Variants in HERC1 observed in about 807,000 individuals in gnomAD.
HERC1 encodes the protein HECT and RLD domain containing E3 ubiquitin protein ligase family member 1, also known as probable E3 ubiquitin-protein ligase HERC1.
A neutral mutation model predicts 554.3 loss-of-function variants in HERC1; 160 were observed. The observed-to-expected ratio is 0.29, with a 90% CI of 0.25 to 0.33. HERC1 has a LOEUF of 0.33. Among genes scored for constraint, HERC1 ranks in the 10% least tolerant of loss-of-function variants. HERC1 has a pLI of 1.00. For missense variants in HERC1, 4,919 were observed against 5,918.5 expected (o/e 0.83, Z 5.54); for synonymous variants, 2,175 against 2,131.7 (o/e 1.02, Z -0.56).
At chr15:63,646,791 G>A (rs1189852163) in intron 55 of HERC1, among the ~76,000 whole-genome samples, 1 of 150,640 alleles carries the variant, frequency 6.6e-6, no homozygotes, top group Non-Finnish European at 1.5e-5. Context: ...CTGGGTGACA[G>A]AGCATGACTC....
rs376314696 is a variant in HERC1, at chr15:63,622,868, G to C, written c.13635C>G (p.Asp4545Glu). The C allele has an allele frequency of 1.4e-5, 23 of 1,604,068 alleles. No individual in the cohort carries two copies. In the African/African-American group the frequency reaches 3.1e-4, roughly 21 times the overall value. ...TGGCATTGGGAGAGGGTATAAGAAG[G>C]TCAACAATACCAGTTTCAAGTTCCT... ...MCQELETGIVDLLIPSPNATA... is the reference protein window; with the variant it reads ...MCQELETGIVELLIPSPNATA... Residue 4545 changes from aspartate to glutamate, a missense_variant, in exon 74 of 78, where the codon GAC (aspartate) becomes GAG (glutamate). Transcript: ENST00000443617.
At chr15:63,752,434 A>G (rs1188041388) in intron 8 of HERC1, 1 of 152,270 alleles carries the variant, frequency 6.6e-6, no homozygotes, top group East Asian at 1.9e-4. Flanking sequence ...CGCATGTAAA[A>G]GTTCGAAGCT....
intron 22 of HERC1, among the ~76,000 whole-genome samples, chr15:63,715,137 C>A (rs1024350828): frequency 2.0e-4 from 31 of 152,170 alleles, no homozygotes; most frequent in African/African-American, 7.0e-4. Context: ...CTAAGTCATA[C>A]AATTTTGCAT....
intron 24 of HERC1, among the ~76,000 whole-genome samples, 173 bp from the exon 25 acceptor site, chr15:63,707,004 A>T (rs2073040680): frequency 6.6e-6 from 1 of 152,196 alleles, no homozygotes; most frequent in African/African-American, 2.4e-5. Flanking sequence ...GAACATAGCT[A>T]TAAGGAGGCT....
chr15:63,734,615 T>A lies in HERC1; in HGVS notation c.2646+109A>T. 1 of 880,624 alleles carries A rather than the reference T, an allele frequency of 1.1e-6. No individual in the cohort carries two copies. Among genetic ancestry groups the A allele is most frequent in the Non-Finnish European group, 1.7e-6 (1 of 593,728 alleles). The allele number at this position is 880,624 out of a possible 1,614,324, so 54.6% of individuals were successfully genotyped here. ...TCTTCCAGCACAACACATTAACCCA[T>A]CAAGTACTTATGCTCCAAGAACACA... On this transcript the variant is annotated intron_variant, in intron 13 of 77. Transcript: ENST00000443617. The surrounding 1 kb of genome is among the most constrained non-coding windows in gnomAD (Gnocchi z 4.6).
At chr15:63,668,926 G>T (rs1436988417) in intron 40 of HERC1, among the ~76,000 whole-genome samples, 1 of 152,172 alleles carries the variant, frequency 6.6e-6, no homozygotes, top group Non-Finnish European at 1.5e-5. Context: ...ATTTGAGCCT[G>T]CTAAACAATT....
chr15:63,680,503 G>T lies in HERC1; in HGVS notation c.6465+34C>A, dbSNP rs767716099. 1 of 1,605,030 alleles carries T rather than the reference G, an allele frequency of 6.2e-7. No individual in the cohort carries two copies. Among genetic ancestry groups the T allele is most frequent in the East Asian group, 2.2e-5 (1 of 44,700 alleles). ...CCGAGTTGACTATAAATAGAAACAA[G>T]AAAAATGTAATGCTTGTGAATGGGT... On this transcript the variant is annotated intron_variant, in intron 35 of 77. Coordinates refer to ENST00000443617, the MANE Select transcript of HERC1 (RefSeq NM_003922.4). This position sits in a 1 kb window ranked among gnomAD's most constrained non-coding sequence, Gnocchi z 5.8.
chr15:63,664,556 C>G lies in HERC1; in HGVS notation c.8594G>C (p.Gly2865Ala). Residue 2865 changes from glycine to alanine, a missense_variant, in exon 43 of 78, where the codon GGA becomes GCA. Physicochemically the swap from Gly to Ala is moderately conservative, Grantham distance 60. This residue lies in a region of HERC1 where 1,963 missense variants were observed against 2,228.6 expected (regional missense o/e 0.88). Coordinates refer to ENST00000443617, the MANE Select transcript of HERC1 (RefSeq NM_003922.4). The stretch of plus-strand genomic sequence containing the variant: ...GCGACCTCTAGCTGATGGTCCACTT[C>G]CAGAAGCTGCATTCTCTGTATGATC... ...NLDHTENAAS[G>A]SGPSARGRSA... 1 of 1,613,738 alleles carries G rather than the reference C, an allele frequency of 6.2e-7. No homozygotes were observed. Among genetic ancestry groups the G allele is most frequent in the Non-Finnish European group, 8.5e-7 (1 of 1,179,720 alleles).
chr15:63,744,095 T>C (rs1234476463), intron 12 of HERC1, among the ~76,000 whole-genome samples: 1 of 141,740 alleles, frequency 7.1e-6, no homozygotes, highest in Admixed American at 7.3e-5. Context: ...CTTCCCTTAC[T>C]TTCTCCCAAA....
chr15:63,759,260 G>A (rs1045897182), intron 3 of HERC1, among the ~76,000 whole-genome samples: 2 of 152,140 alleles, frequency 1.3e-5, no homozygotes, highest in Admixed American at 6.5e-5. Flanking sequence ...AAAGAAGGCT[G>A]TTCTAAAAAC....
chr15:63,676,849 T>C (rs191335844), intron 37 of HERC1, among the ~76,000 whole-genome samples: 1 of 152,352 alleles, frequency 6.6e-6, no homozygotes, highest in Admixed American at 6.5e-5. Flanking sequence ...ATGGGCAGCA[T>C]AATGAACAGT....
chr15:63,654,107 C>A lies in HERC1; in HGVS notation c.10290+12G>T. Reference sequence around the variant, plus strand: ...TAACGTGATTAACACACTTTCCACTCAAAATACTTACTCTGTTCTGATGAG... The same window carrying A: ...TAACGTGATTAACACACTTTCCACTAAAAATACTTACTCTGTTCTGATGAG... On this transcript the variant is annotated intron_variant, in intron 51 of 77. Transcript: ENST00000443617. The A allele has an allele frequency of 1.2e-6, 2 of 1,600,736 alleles. No homozygotes were observed. The highest frequency in any genetic ancestry group is 2.2e-5 in the South Asian group (2 of 90,786).
intron 3 of HERC1, among the ~76,000 whole-genome samples, chr15:63,761,478 T>G (rs1009369066): frequency 4.0e-5 from 6 of 151,880 alleles, no homozygotes; most frequent in African/African-American, 1.2e-4. Flanking sequence ...TCCCAGCTAC[T>G]TGGGAGGCTG....
At chr15:63,728,873 G>T (rs559545363) in intron 16 of HERC1, among the ~76,000 whole-genome samples, 1 of 142,472 alleles carries the variant, frequency 7.0e-6, no homozygotes, top group East Asian at 2.0e-4. Context: ...CCCAAAGAAA[G>T]AATTTCAAGA....
chr15:63,738,098 T>C (rs1273652844), intron 12 of HERC1, among the ~76,000 whole-genome samples: 1 of 152,186 alleles, frequency 6.6e-6, no homozygotes, highest in Non-Finnish European at 1.5e-5. Context: ...TAATAAGATA[T>C]ATGGACATCA....
chr15:63,628,469 G>A (rs1334601953), intron 70 of HERC1, among the ~76,000 whole-genome samples: 4 of 152,208 alleles, frequency 2.6e-5, no homozygotes, highest in Admixed American at 2.6e-4. Flanking sequence ...GGAGTGCAGA[G>A]AGGACGTGGT....
Position 63,725,303 on chromosome 15 carries a change from G to A in HERC1, c.3557C>T (p.Thr1186Ile), listed in dbSNP as rs2073995753. ...PLFSDGVEMD[T>I]PQLDKCMSCL... The stretch of plus-strand genomic sequence containing the variant: ...GAGAAGCACATTACCCAATTGAGGA[G>A]TGTCCATTTCTACACCGTCACTGAA... Residue 1186 changes from threonine (T) to isoleucine (I), a missense_variant, in exon 18 of 78, where the codon ACT becomes ATT. Coordinates refer to ENST00000443617, the MANE Select transcript of HERC1 (RefSeq NM_003922.4). The A allele has an allele frequency of 6.8e-6, 11 of 1,613,424 alleles. No homozygotes were observed. The East Asian group carries it at 2.0e-4, about 29-fold the overall frequency.
chr15:63,642,335 G>C (rs2069107883), intron 59 of HERC1, among the ~76,000 whole-genome samples: 1 of 152,088 alleles, frequency 6.6e-6, no homozygotes, highest in Non-Finnish European at 1.5e-5. Context: ...AAAATTGTTT[G>C]AGAGAGTTTT....
chr15:63,707,695 G>C (rs952796544), intron 24 of HERC1, among the ~76,000 whole-genome samples: 3 of 152,044 alleles, frequency 2.0e-5, no homozygotes. Flanking sequence ...TTGGAAAGCC[G>C]AGGCAGGTGG....
Sources: allele counts gnomAD v4.1 joint callset (sites outside exome capture counted in the v4.1 genomes callset), GRCh38; gene constraint gnomAD v4.1.1; regional missense constraint gnomAD v4.1.1; non-coding constraint Gnocchi (gnomAD v3.1); transcripts MANE v1.5; gene names NCBI Gene and HGNC (gene_info 2026-07-23, HGNC 2026-07-21).